GPHN: variants seen among roughly 807,000 people sequenced by gnomAD.
GPHN encodes the protein gephyrin.
GPHN carries 17 observed loss-of-function variants against 95.5 expected under a neutral mutation model. That is an observed-to-expected ratio of 0.18 (90% CI 0.12 to 0.27). GPHN has a LOEUF of 0.27. Ranked by LOEUF, GPHN falls within the 10% of genes least tolerant of loss-of-function variation. GPHN has a pLI of 1.00. For missense variants in GPHN, 660 were observed against 978.1 expected, an observed-to-expected ratio of 0.67 and a Z score of 4.34; for synonymous variants, 320 against 322.5, an observed-to-expected ratio of 0.99 and a Z score of 0.08.
At chr14:67,168,076 G>GTAGC (rs2082387297) in intron 20 of GPHN, among the ~76,000 whole-genome samples, 2 of 152,308 alleles carry the variant, frequency 1.3e-5, no homozygotes, top group African/African-American at 4.8e-5. Flanking sequence ...CATAGACTGG[G>GTAGC]TAGCTGAAAC....
chr14:67,235,273 G>A, the GPHN span, among the ~76,000 whole-genome samples: 1 of 152,090 alleles, frequency 6.6e-6, no homozygotes, highest in Admixed American at 6.5e-5. Context: ...AGTGTGATTG[G>A]GAGCTTGGTG....
the GPHN span, among the ~76,000 whole-genome samples, chr14:67,513,830 G>A: frequency 6.6e-6 from 1 of 152,312 alleles, no homozygotes; most frequent in South Asian, 2.1e-4. Flanking sequence ...CACAGGATAG[G>A]AGCTGGTGGT....
At chr14:66,794,143 A>C (rs1275228358) in intron 3 of GPHN, among the ~76,000 whole-genome samples, 1 of 152,110 alleles carries the variant, frequency 6.6e-6, no homozygotes, top group African/African-American at 2.4e-5. Context: ...CCCAACTCTC[A>C]TGTTCAGTGT....
At chr14:67,053,411 C>G (rs2075405151) in intron 10 of GPHN, among the ~76,000 whole-genome samples, 1 of 151,918 alleles carries the variant, frequency 6.6e-6, no homozygotes, top group Admixed American at 6.6e-5. Context: ...AAGACAGAAC[C>G]AGGAAGAAGT....
At chr14:67,715,918 G>A in the GPHN span, among the ~76,000 whole-genome samples, 1 of 152,134 alleles carries the variant, frequency 6.6e-6, no homozygotes, top group Non-Finnish European at 1.5e-5. Flanking sequence ...CCTAGAGGCC[G>A]GGGGCAGTGG....
At chr14:67,085,897 A>G (rs528984993) in intron 11 of GPHN, among the ~76,000 whole-genome samples, 44 of 152,078 alleles carry the variant, frequency 2.9e-4, no homozygotes, top group Admixed American at 9.2e-4. Flanking sequence ...TGCCACCACC[A>G]TTCTACTTTC....
At chr14:67,520,764 A>G in the GPHN span, among the ~76,000 whole-genome samples, 1 of 152,250 alleles carries the variant, frequency 6.6e-6, no homozygotes, top group Non-Finnish European at 1.5e-5. Context: ...TTAAGAATAA[A>G]GCTGCTATAA....
chr14:66,720,259 A>G (rs1185857179), intron 2 of GPHN, among the ~76,000 whole-genome samples: 2 of 152,196 alleles, frequency 1.3e-5, no homozygotes, highest in Non-Finnish European at 2.9e-5. Context: ...TCAAATTTAA[A>G]GTAGTTGGTT....
At chr14:66,980,553 T>C (rs1349958877) in intron 9 of GPHN, among the ~76,000 whole-genome samples, 1 of 152,190 alleles carries the variant, frequency 6.6e-6, no homozygotes, top group Non-Finnish European at 1.5e-5. Flanking sequence ...AGTTTAATTA[T>C]TCTCTAGTTA....
chr14:66,940,710 GCCTCTGGATT>G (rs2067380931), intron 8 of GPHN, among the ~76,000 whole-genome samples: 1 of 152,160 alleles, frequency 6.6e-6, no homozygotes. Flanking sequence ...ATTACCGTCT[GCCTCTGGATT>G]CCTCAGATCT....
chr14:67,664,814 C>G, the GPHN span, among the ~76,000 whole-genome samples: 8 of 152,096 alleles, frequency 5.3e-5, no homozygotes, highest in Non-Finnish European at 1.2e-4. Flanking sequence ...TGTGGGTATT[C>G]AGTTGCTGTC....
chr14:66,517,526 A>G (rs1176568429), intron 1 of GPHN, among the ~76,000 whole-genome samples: 1 of 152,236 alleles, frequency 6.6e-6, no homozygotes, highest in African/African-American at 2.4e-5. Context: ...ACATCATACT[A>G]TCAGACTTTA....
At chr14:67,505,850 C>A in the GPHN span, among the ~76,000 whole-genome samples, 5 of 152,098 alleles carry the variant, frequency 3.3e-5, no homozygotes, top group African/African-American at 9.7e-5. Context: ...CAGGCGCCCG[C>A]CACCATGCCT....
chr14:66,623,380 G>A (rs2005553), intron 1 of GPHN, among the ~76,000 whole-genome samples: 51,855 of 151,940 alleles, frequency 0.34, 13,403 homozygotes, highest in African/African-American at 0.7. Context: ...AACCATATCA[G>A]CCAGCAACCT....
the GPHN span, chr14:67,473,210 C>T: frequency 1.6e-6 from 1 of 639,430 alleles, no homozygotes; most frequent in East Asian, 2.9e-5. The surrounding 1 kb of genome is among the most constrained non-coding windows in gnomAD (Gnocchi z 6.5). Context: ...TCCCAATGTC[C>T]CTCTGCTGCC....
the GPHN span, chr14:67,323,723 T>C: frequency 1.3e-6 from 2 of 1,587,068 alleles, no homozygotes; most frequent in African/African-American, 2.7e-5. Flanking sequence ...TCTCCGGAAT[T>C]CAGATTTGAA....
At chr14:67,657,638 G>A in the GPHN span, among the ~76,000 whole-genome samples, 2 of 149,768 alleles carry the variant, frequency 1.3e-5, no homozygotes, top group Admixed American at 1.3e-4. Flanking sequence ...AATCAAAAGG[G>A]ACCCAGCTCA....
intron 1 of GPHN, among the ~76,000 whole-genome samples, chr14:66,618,176 A>C (rs2063129876): frequency 6.6e-6 from 1 of 152,104 alleles, no homozygotes; most frequent in African/African-American, 2.4e-5. Flanking sequence ...ATCCTTGGTT[A>C]GTTGAGAATT....
the GPHN span, among the ~76,000 whole-genome samples, chr14:67,444,005 C>T: frequency 4.6e-5 from 7 of 152,144 alleles, no homozygotes; most frequent in Non-Finnish European, 1.0e-4. Context: ...ATCTGATTGC[C>T]TTCTTTGGAG....
Sources: gnomAD v4.1 joint callset for allele counts (sites outside exome capture counted in the v4.1 genomes callset) on GRCh38, gnomAD v4.1.1 for gene constraint, Gnocchi (gnomAD v3.1) non-coding constraint, MANE v1.5 for transcripts, NCBI Gene and HGNC (gene_info 2026-07-23, HGNC 2026-07-21) for gene names.